ABHD2: variants seen among roughly 807,000 people sequenced by gnomAD.
ABHD2 encodes monoacylglycerol lipase ABHD2.
Under a neutral mutation model 48.1 loss-of-function variants are expected in ABHD2, and 20 were observed. The ratio of observed to expected loss-of-function variants is 0.42; its 90% CI spans 0.29 to 0.60. The LOEUF (loss-of-function observed/expected upper bound fraction) is 0.60, where lower values mean the gene tolerates loss of function less well. Ranked by LOEUF, ABHD2 falls within the 20% of genes least tolerant of loss-of-function variation. The probability of loss-of-function intolerance (pLI) is 0.24; values close to 1 mark genes in which losing one functional copy is unlikely to be tolerated. For synonymous variants in ABHD2, 209 were observed against 214.2 expected, an observed-to-expected ratio of 0.98 and a Z score of 0.21; for missense variants, 405 against 550.9, an observed-to-expected ratio of 0.74 and a Z score of 2.65.
chr15:89,147,647 C>A (rs1432800343), intron 3 of ABHD2, among the ~76,000 whole-genome samples: 1 of 151,578 alleles, frequency 6.6e-6, no homozygotes, highest in Admixed American at 6.6e-5. Flanking sequence ...GCCACTGCGC[C>A]CGGCTGCATA....
intron 6 of ABHD2, chr15:89,183,436 G>A (rs1417648058): frequency 8.4e-6 from 1 of 118,416 alleles, no homozygotes; most frequent in African/African-American, 2.9e-5. Flanking sequence ...GTAATACATT[G>A]ATCTTGATTC....
chr15:89,107,435 A>T (rs2049803786), intron 1 of ABHD2, among the ~76,000 whole-genome samples: 1 of 152,168 alleles, frequency 6.6e-6, no homozygotes, highest in Non-Finnish European at 1.5e-5. Flanking sequence ...TCAGTTAGGA[A>T]GGAGTATGTT....
intron 1 of ABHD2, among the ~76,000 whole-genome samples, chr15:89,093,474 T>A (rs1049635018): frequency 6.6e-6 from 1 of 152,142 alleles, no homozygotes; most frequent in African/African-American, 2.4e-5. Context: ...CCTGGCCTCA[T>A]TTCCAGCATC....
At chr15:89,072,334 G>C in the ABHD2 span, among the ~76,000 whole-genome samples, 1 of 147,330 alleles carries the variant, frequency 6.8e-6, no homozygotes, top group African/African-American at 2.5e-5. Flanking sequence ...AAATTAGCCA[G>C]GCATGGTGGT....
intron 1 of ABHD2, among the ~76,000 whole-genome samples, chr15:89,107,600 C>T (rs2049807019): frequency 6.6e-6 from 1 of 152,116 alleles, no homozygotes; most frequent in African/African-American, 2.4e-5. Flanking sequence ...TTAAAATGCT[C>T]TTTATGTATT....
chr15:89,163,271 T>C (rs570670965), intron 5 of ABHD2, among the ~76,000 whole-genome samples: 1 of 152,380 alleles, frequency 6.6e-6, no homozygotes, highest in East Asian at 1.9e-4. Context: ...GCTTTGCTAA[T>C]GTGATTAGAA....
At chr15:89,049,913 C>T in the ABHD2 span, among the ~76,000 whole-genome samples, 2 of 152,046 alleles carry the variant, frequency 1.3e-5, no homozygotes, top group African/African-American at 4.8e-5. Flanking sequence ...TTGGCTCCTC[C>T]CCCGTATTTT....
the ABHD2 span, among the ~76,000 whole-genome samples, chr15:89,058,021 C>G: frequency 1.3e-4 from 20 of 152,126 alleles, no homozygotes; most frequent in Non-Finnish European, 1.8e-4. Context: ...GGCAAGAGAA[C>G]GAATGGAAGC....
In ABHD2 at chr15:89,176,694, T is replaced by A. The variant is rs1006203741; in HGVS notation, c.722+699T>A. Among the ~76,000 whole-genome samples, 4 of 152,094 alleles carry A rather than the reference T, an allele frequency of 2.6e-5. No homozygotes were observed. Among genetic ancestry groups the A allele is most frequent in the African/African-American group, 9.7e-5 (4 of 41,406 alleles). ...CACACACACATGCACACACTCACAC[T>A]ATACACACACCTCTCCAGGCTCTTC... On this transcript the variant is annotated intron_variant, in intron 6 of 10. Transcript: ENST00000352732. This position sits in a 1 kb window ranked among gnomAD's most constrained non-coding sequence, Gnocchi z 4.5.
intron 3 of ABHD2, among the ~76,000 whole-genome samples, chr15:89,131,114 A>G (rs937205794): frequency 1.3e-5 from 2 of 152,220 alleles, no homozygotes; most frequent in South Asian, 4.1e-4. Flanking sequence ...CAGGCCACCA[A>G]ATTATCTTCC....
At chr15:89,058,356 T>A in the ABHD2 span, among the ~76,000 whole-genome samples, 1 of 152,270 alleles carries the variant, frequency 6.6e-6, no homozygotes, top group East Asian at 1.9e-4. Flanking sequence ...CCACTCCTAG[T>A]ACCTAGCATG....
At chr15:89,061,263 CA>C in the ABHD2 span, among the ~76,000 whole-genome samples, 1 of 151,814 alleles carries the variant, frequency 6.6e-6, no homozygotes, top group Non-Finnish European at 1.5e-5. Flanking sequence ...ACTAAAAATA[CA>C]AAAATTAGCC....
At chr15:89,134,735 A>G (rs187538073) in intron 3 of ABHD2, among the ~76,000 whole-genome samples, 10 of 152,148 alleles carry the variant, frequency 6.6e-5, no homozygotes, top group South Asian at 2.1e-4. Flanking sequence ...TGTGATGCCA[A>G]GTTTTCCAGT....
At chr15:89,060,817 T>C in the ABHD2 span, among the ~76,000 whole-genome samples, 1 of 152,182 alleles carries the variant, frequency 6.6e-6, no homozygotes, top group Admixed American at 6.6e-5. Flanking sequence ...AATATTTCTT[T>C]CCTAGTTTTG....
rs2051444709 is a variant in ABHD2, at chr15:89,199,445, C to T, written c.*4022C>T. 1 of 152,624 alleles carries T rather than the reference C, an allele frequency of 6.6e-6. No individual in the cohort carries two copies. Among genetic ancestry groups the T allele is most frequent in the Non-Finnish European group, 1.5e-5 (1 of 68,040 alleles). 9.5% of individuals were successfully genotyped at this position (152,624 alleles called of 1,614,324 possible). A position where few individuals can be genotyped will look rare whatever the true frequency, so the allele number is the denominator to read the frequency against. On this transcript the variant is annotated 3_prime_UTR_variant, in exon 11 of 11. Transcript: ENST00000352732. This position sits in a 1 kb window ranked among gnomAD's most constrained non-coding sequence, Gnocchi z 4.1. Reference sequence around the variant, plus strand: ...GTTTTCTTTGCCCAGAAAGCCTTAACTTGCCTCTAGAGAATCCCTGGTATT... The same window carrying T: ...GTTTTCTTTGCCCAGAAAGCCTTAATTTGCCTCTAGAGAATCCCTGGTATT...
chr15:89,049,591 G>C, the ABHD2 span, among the ~76,000 whole-genome samples: 1 of 152,236 alleles, frequency 6.6e-6, no homozygotes, highest in African/African-American at 2.4e-5. Context: ...TAATCTCCTC[G>C]TGCGCCGTTT....
intron 10 of ABHD2, among the ~76,000 whole-genome samples, chr15:89,194,842 G>A (rs911354826): frequency 6.6e-6 from 1 of 152,166 alleles, no homozygotes; most frequent in Admixed American, 6.5e-5. Context: ...CAACACTTGG[G>A]AATTCCCTTC....
chr15:89,077,920 C>G, the ABHD2 span, among the ~76,000 whole-genome samples: 2 of 152,332 alleles, frequency 1.3e-5, no homozygotes, highest in East Asian at 1.9e-4. Flanking sequence ...TCCAAATCCC[C>G]TTGTCTACAA....
At position 89,104,099 on chromosome 15, in the gene ABHD2, G is replaced by T. The variant is rs894585957; in HGVS notation, c.-106-9626G>T. The stretch of plus-strand genomic sequence containing the variant: ...TGCCTCAAAATGCTGTGCACACTAT[G>T]TACTGTTGCCCCCAGAACCTTCTCT... On this transcript the variant is annotated intron_variant, in intron 1 of 10. Coordinates refer to ENST00000352732, the MANE Select transcript of ABHD2 (RefSeq NM_152924.5). This position sits in a 1 kb window ranked among gnomAD's most constrained non-coding sequence, Gnocchi z 4.4. 1 of 152,236 alleles carries T rather than the reference G, an allele frequency of 6.6e-6. No individual in the cohort carries two copies. The highest frequency in any genetic ancestry group is 2.4e-5 in the African/African-American group (1 of 41,462). 9.4% of individuals were successfully genotyped at this position (152,236 alleles called of 1,614,324 possible). A position where few individuals can be genotyped will look rare whatever the true frequency, so the allele number is the denominator to read the frequency against.
Sources: allele counts gnomAD v4.1 joint callset (sites outside exome capture counted in the v4.1 genomes callset), GRCh38; gene constraint gnomAD v4.1.1; non-coding constraint Gnocchi (gnomAD v3.1); transcripts MANE v1.5; gene names NCBI Gene and HGNC (gene_info 2026-07-23, HGNC 2026-07-21).